The following COL25A1 variants were observed in gnomAD, a reference collection of about 807,000 sequenced individuals.
COL25A1 encodes collagen alpha-1(XXV) chain.
COL25A1 carries 103 observed loss-of-function variants against 128.4 expected under a neutral mutation model. The observed-to-expected ratio is 0.80, with a 90% CI of 0.68 to 0.94. The LOEUF is 0.94. COL25A1 is among the 40% of genes least tolerant of loss of function. The pLI is 0.00. For missense variants in COL25A1, 745 were observed against 840.0 expected (o/e 0.89, Z 1.40); for synonymous variants, 279 against 277.2 (o/e 1.01, Z -0.06).
intron 3 of COL25A1, among the ~76,000 whole-genome samples, chr4:109,211,274 CT>C (rs60154061): frequency 6.3e-5 from 1 of 15,970 alleles, no homozygotes; most frequent in African/African-American, 1.2e-3. Context: ...ATATATGAAA[CT>C]ATATATATAT....
chr4:108,891,439 CA>C (rs553174001), intron 16 of COL25A1, among the ~76,000 whole-genome samples: 34 of 152,042 alleles, frequency 2.2e-4, no homozygotes, highest in Non-Finnish European at 4.4e-4. Context: ...GCAACATGTC[CA>C]ATAAAAAGAA....
At chr4:109,200,493 G>A (rs1014623687) in intron 3 of COL25A1, among the ~76,000 whole-genome samples, 2 of 151,582 alleles carry the variant, frequency 1.3e-5, no homozygotes, top group Admixed American at 6.6e-5. Flanking sequence ...AGTCTCTCTC[G>A]GTCGCCCAGG....
chr4:108,968,401 C>T (rs1196356453), intron 8 of COL25A1, among the ~76,000 whole-genome samples: 2 of 152,072 alleles, frequency 1.3e-5, no homozygotes, highest in African/African-American at 4.8e-5. Context: ...CCCATGACTC[C>T]AAAACAGCAA....
At chr4:108,976,567 G>T (rs909316597) in intron 6 of COL25A1, among the ~76,000 whole-genome samples, 2 of 151,946 alleles carry the variant, frequency 1.3e-5, no homozygotes, top group African/African-American at 2.4e-5. Flanking sequence ...TGAGGAGCTG[G>T]AGCATTTCAG....
chr4:108,848,751 A>C lies in COL25A1; in HGVS notation c.1434+8T>G, dbSNP rs1441787129. ...CTTTAAATAATAGTATACATCTTTG[A>C]AAATTACCTGCTCTCCATCCATTCC... is the stretch of plus-strand genomic sequence containing the variant. On this transcript the variant is annotated splice_region_variant and intron_variant, in intron 27 of 37. Coordinates refer to ENST00000399132, the MANE Select transcript of COL25A1 (RefSeq NM_198721.4). The C allele has an allele frequency of 1.3e-6, 2 of 1,585,290 alleles. No homozygotes were observed. The highest frequency in any genetic ancestry group is 2.7e-5 in the African/African-American group (2 of 74,486).
Position 109,055,648 on chromosome 4 carries a change from A to G in COL25A1, c.368-5469T>C, listed in dbSNP as rs187531362. Among the ~76,000 whole-genome samples the G allele has an allele frequency of 2.0e-3, 302 of 152,268 alleles. 1 individual carries two copies. The highest frequency in any genetic ancestry group is 6.7e-3 in the African/African-American group (279 of 41,552). On this transcript the variant is annotated intron_variant, in intron 3 of 37. Transcript: ENST00000399132. The stretch of plus-strand genomic sequence containing the variant: ...CGCTACTTAGACAGATGTATTATTA[A>G]TCTTTGTGACAGCCTTCCACTAGAC...
chr4:108,896,688 G>T lies in COL25A1; in HGVS notation c.885C>A (p.Pro295=). 1.9e-6 allele frequency: 3 copies of T among 1,613,858 alleles called. No individual in the cohort carries two copies. Among genetic ancestry groups the T allele is most frequent in the Non-Finnish European group, 2.5e-6 (3 of 1,179,896 alleles). ...GEKGDAGENG[P]KGDTGEKGDP... is the part of the protein sequence containing the mutation. The stretch of plus-strand genomic sequence containing the variant: ...GTACCTTTTCGCCTGTGTCACCCTT[G>T]GGGCCGTTCTCTCCAGCGTCTCCCT... The change falls in exon 16 of 38, where the codon CCC becomes CCA. Residue 295 remains proline, a synonymous_variant. Transcript: ENST00000399132.
At position 108,848,806 on chromosome 4, in the gene COL25A1, A is replaced by G. The variant is rs1237232276; in HGVS notation, c.1390-3T>C. ...ATTCCTGGAGATCCCTGCTCTCCCT[A>G]TTAAGATAAAAATAGATGACTTGCC... On this transcript the variant is annotated splice_region_variant and splice_polypyrimidine_tract_variant and intron_variant, in intron 26 of 37. Transcript: ENST00000399132. 1.0e-5 allele frequency: 16 copies of G among 1,605,912 alleles called. No homozygotes were observed. Among genetic ancestry groups the G allele is most frequent in the South Asian group, 2.2e-5 (2 of 90,818 alleles).
chr4:109,067,140 G>C (rs980295006), intron 3 of COL25A1, among the ~76,000 whole-genome samples: 1 of 152,010 alleles, frequency 6.6e-6, no homozygotes, highest in Admixed American at 6.5e-5. Flanking sequence ...GTGAACTAAC[G>C]GTCCCAAGAG....
At chr4:108,876,556 C>T (rs1264170339) in intron 19 of COL25A1, among the ~76,000 whole-genome samples, 1 of 152,098 alleles carries the variant, frequency 6.6e-6, no homozygotes, top group African/African-American at 2.4e-5. Context: ...AAAATCAGTA[C>T]AGAACTATGA....
intron 16 of COL25A1, among the ~76,000 whole-genome samples, chr4:108,891,884 A>G (rs1741548192): frequency 6.6e-6 from 1 of 152,180 alleles, no homozygotes; most frequent in African/African-American, 2.4e-5. Flanking sequence ...GACTAGATTT[A>G]GTTCTCATAA....
At chr4:108,994,284 T>C (rs11098024) in intron 6 of COL25A1, among the ~76,000 whole-genome samples, 121,131 of 152,214 alleles carry the variant, frequency 0.8, 49,368 homozygotes, top group East Asian at 1. Flanking sequence ...TCTTAACAAC[T>C]GGCAGAACAG....
intron 3 of COL25A1, among the ~76,000 whole-genome samples, chr4:109,262,445 C>T (rs1255715784): frequency 6.6e-6 from 1 of 151,812 alleles, no homozygotes; most frequent in Non-Finnish European, 1.5e-5. Flanking sequence ...ACCTGGGAGG[C>T]GGAGGTTACA....
chr4:109,197,733 A>G (rs968160898), intron 3 of COL25A1, among the ~76,000 whole-genome samples: 2 of 151,494 alleles, frequency 1.3e-5, no homozygotes, highest in African/African-American at 2.4e-5. Flanking sequence ...TTTGAAATCA[A>G]CTAATAATTT....
chr4:108,872,256 A>G (rs1411646318), intron 19 of COL25A1, among the ~76,000 whole-genome samples: 6 of 152,046 alleles, frequency 3.9e-5, no homozygotes, highest in African/African-American at 9.7e-5. Flanking sequence ...TCTCTATTAA[A>G]AATACAAAAA....
intron 11 of COL25A1, among the ~76,000 whole-genome samples, chr4:108,934,655 C>T: frequency 6.6e-6 from 1 of 152,008 alleles, no homozygotes; most frequent in East Asian, 1.9e-4. Flanking sequence ...TGGAGAAATA[C>T]TTCATGTTAA....
intron 19 of COL25A1, among the ~76,000 whole-genome samples, chr4:108,882,989 C>G (rs777457710): frequency 6.6e-6 from 1 of 151,992 alleles, no homozygotes; most frequent in Non-Finnish European, 1.5e-5. Flanking sequence ...CAAGCAGAAC[C>G]TTCATAAAAC....
intron 28 of COL25A1, 117 bp from the exon 29 acceptor site, chr4:108,845,368 C>T (rs1734966834): frequency 2.6e-6 from 2 of 763,646 alleles, no homozygotes; most frequent in Admixed American, 4.3e-5. Flanking sequence ...TATGCACTTG[C>T]TACATAAAAG....
intron 3 of COL25A1, among the ~76,000 whole-genome samples, chr4:109,127,039 A>C (rs556378985): frequency 6.6e-6 from 1 of 152,344 alleles, no homozygotes; most frequent in South Asian, 2.1e-4. Flanking sequence ...GGAGAAAGAG[A>C]TAAAAGCTTC....
Sources: gnomAD v4.1 joint callset for allele counts (sites outside exome capture counted in the v4.1 genomes callset) on GRCh38, gnomAD v4.1.1 for gene constraint, MANE v1.5 for transcripts, NCBI Gene and HGNC (gene_info 2026-07-23, HGNC 2026-07-21) for gene names.